The following ZNF385D variants were observed in gnomAD, a reference collection of about 807,000 sequenced individuals.
ZNF385D encodes zinc finger protein 659.
ZNF385D carries 15 observed loss-of-function variants against 35.8 expected under a neutral mutation model. That is an observed-to-expected ratio of 0.42 (90% CI 0.28 to 0.64). The LOEUF (loss-of-function observed/expected upper bound fraction) is 0.64, where lower values mean the gene tolerates loss of function less well. Among genes scored for constraint, ZNF385D ranks in the 30% least tolerant of loss-of-function variants. The pLI, the probability that ZNF385D is intolerant of heterozygous loss-of-function variation, is 0.23. For missense variants in ZNF385D, 474 were observed against 494.6 expected, an observed-to-expected ratio of 0.96 and a Z score of 0.39; for synonymous variants, 212 against 186.8, an observed-to-expected ratio of 1.13 and a Z score of -1.10.
In ZNF385D at chr3:21,919,753, T is replaced by C. The variant is rs185091002; in HGVS notation, c.325+249064A>G. ...AGAACCAGCATTCTTCAGAACACAC[T>C]TAGGACAATGCCAAATTCAAATATT... is the stretch of plus-strand genomic sequence containing the variant. On this transcript the variant is annotated intron_variant, in intron 3 of 5. Coordinates refer to the ZNF385D transcript ENST00000494108. Among the ~76,000 whole-genome samples, 229 of 152,326 alleles carry C rather than the reference T, an allele frequency of 1.5e-3. 1 individual carries two copies. Among genetic ancestry groups the C allele is most frequent in the African/African-American group, 3.8e-3 (159 of 41,584 alleles).
chr3:21,763,769 A>C (rs1397031594), intron 3 of ZNF385D, among the ~76,000 whole-genome samples: 1 of 145,532 alleles, frequency 6.9e-6, no homozygotes, highest in African/African-American at 2.4e-5. Context: ...AACTGTGAAC[A>C]GTAAGTCCAT....
intron 4 of ZNF385D, among the ~76,000 whole-genome samples, chr3:21,446,651 A>G (rs1199294525): frequency 6.6e-6 from 1 of 151,522 alleles, no homozygotes; most frequent in Non-Finnish European, 1.5e-5. Flanking sequence ...GTGCCACCAC[A>G]CCTGGCTAAT....
At chr3:21,424,539 T>C (rs1248242907) in intron 6 of ZNF385D, among the ~76,000 whole-genome samples, 2 of 150,698 alleles carry the variant, frequency 1.3e-5, no homozygotes, top group East Asian at 4.0e-4. Context: ...GGTCTTGAAC[T>C]CTTGACCTCT....
intron 3 of ZNF385D, among the ~76,000 whole-genome samples, chr3:21,921,222 C>CAAAAAAAAAA (rs11387962): frequency 1.4e-5 from 1 of 68,966 alleles, no homozygotes; most frequent in African/African-American, 5.6e-5. Context: ...GACTCCATCT[C>CAAAAAAAAAA]AAAAAAAAAA....
chr3:22,209,039 C>T (rs930161991), intron 2 of ZNF385D, among the ~76,000 whole-genome samples: 1 of 151,754 alleles, frequency 6.6e-6, no homozygotes, highest in Non-Finnish European at 1.5e-5. Flanking sequence ...TTGATATGGC[C>T]ACCTGGAGTC....
chr3:21,736,480 G>A lies in ZNF385D; in HGVS notation c.22+14415C>T, dbSNP rs151242687. Among the ~76,000 whole-genome samples the A allele has an allele frequency of 4.5e-3, 679 of 152,264 alleles. 8 individuals are homozygous for A. The highest frequency in any genetic ancestry group is 0.015 in the African/African-American group (616 of 41,552). On this transcript the variant is annotated intron_variant, in intron 1 of 7. Transcript: ENST00000281523. ...GACTGTTTAAAGAAAATTTCTAACC[G>A]TATTTAAAACTACCTTTGGTTTTAT...
intron 3 of ZNF385D, among the ~76,000 whole-genome samples, chr3:21,965,637 A>G (rs1203759204): frequency 1.3e-5 from 2 of 152,206 alleles, no homozygotes; most frequent in African/African-American, 2.4e-5. Context: ...CATGGGAGAA[A>G]TAACTAAAAA....
chr3:22,009,284 T>A (rs1696415128), intron 3 of ZNF385D, among the ~76,000 whole-genome samples: 1 of 147,978 alleles, frequency 6.8e-6, no homozygotes, highest in Admixed American at 6.7e-5. Flanking sequence ...GAATAAATTG[T>A]GGTATAGTTA....
intron 2 of ZNF385D, among the ~76,000 whole-genome samples, chr3:22,199,004 A>G (rs1250715697): frequency 6.6e-6 from 1 of 152,122 alleles, no homozygotes; most frequent in East Asian, 1.9e-4. Context: ...ACTGTTTAAT[A>G]AGTCTCATGA....
intron 3 of ZNF385D, among the ~76,000 whole-genome samples, chr3:21,784,718 T>C (rs1415115636): frequency 6.6e-6 from 1 of 151,978 alleles, no homozygotes; most frequent in South Asian, 2.1e-4. Context: ...TATTTTAAGA[T>C]ATTTTAAAAA....
intron 3 of ZNF385D, among the ~76,000 whole-genome samples, chr3:21,537,731 G>A (rs547153775): frequency 1.3e-5 from 2 of 152,174 alleles, no homozygotes; most frequent in African/African-American, 2.4e-5. Flanking sequence ...AGTGGGAGAG[G>A]ATGAAGCACA....
chr3:22,073,928 A>G (rs1220331563), intron 3 of ZNF385D, among the ~76,000 whole-genome samples: 2 of 152,054 alleles, frequency 1.3e-5, no homozygotes, highest in East Asian at 3.9e-4. Context: ...AGGGCAGTTT[A>G]TCTTCATGTA....
intron 3 of ZNF385D, among the ~76,000 whole-genome samples, chr3:21,849,075 C>T (rs1696203506): frequency 6.6e-6 from 1 of 152,074 alleles, no homozygotes; most frequent in African/African-American, 2.4e-5. Context: ...ATAACACACT[C>T]AAACATCATA....
intron 2 of ZNF385D, among the ~76,000 whole-genome samples, chr3:21,596,672 TCTTA>T (rs1338339142): frequency 2.7e-5 from 4 of 145,654 alleles, no homozygotes; most frequent in African/African-American, 7.7e-5. Flanking sequence ...CAGTTGGGGG[TCTTA>T]CTGTGTTGCC....
chr3:22,328,009 T>C (rs939602204), intron 2 of ZNF385D, among the ~76,000 whole-genome samples: 17 of 152,226 alleles, frequency 1.1e-4, no homozygotes, highest in Non-Finnish European at 2.4e-4. Flanking sequence ...ATACACATTA[T>C]TTTCTATTCC....
intron 2 of ZNF385D, among the ~76,000 whole-genome samples, chr3:22,356,057 C>T (rs1696133928): frequency 6.6e-6 from 1 of 151,878 alleles, no homozygotes; most frequent in Admixed American, 6.6e-5. Context: ...AAAAATAAAA[C>T]TTGTTAATTT....
At chr3:21,934,917 G>C (rs972535785) in intron 3 of ZNF385D, among the ~76,000 whole-genome samples, 2 of 152,142 alleles carry the variant, frequency 1.3e-5, no homozygotes, top group Admixed American at 6.5e-5. Flanking sequence ...AAACATAGAA[G>C]TCTGACTGCA....
chr3:22,324,442 TTAGAA>T (rs994597759), intron 2 of ZNF385D, among the ~76,000 whole-genome samples: 2 of 152,052 alleles, frequency 1.3e-5, no homozygotes, highest in Admixed American at 6.6e-5. Flanking sequence ...TAAATAGTAT[TTAGAA>T]TAGAAGTCCA....
intron 1 of ZNF385D, among the ~76,000 whole-genome samples, chr3:21,732,451 G>C (rs1429591476): frequency 1.3e-5 from 2 of 152,120 alleles, no homozygotes; most frequent in Non-Finnish European, 2.9e-5. Context: ...GTTTAGTTTT[G>C]TAAGAAACTG....
Sources: gnomAD v4.1 joint callset for allele counts (sites outside exome capture counted in the v4.1 genomes callset) on GRCh38, gnomAD v4.1.1 for gene constraint, MANE v1.5 for transcripts, NCBI Gene and HGNC (gene_info 2026-07-23, HGNC 2026-07-21) for gene names.